Variants in DCAF17 observed in about 807,000 individuals in gnomAD.
DCAF17 encodes DDB1- and CUL4-associated factor 17.
DCAF17 carries 48 observed loss-of-function variants against 66.0 expected under a neutral mutation model. The observed-to-expected ratio is 0.73, with a 90% CI of 0.58 to 0.92. DCAF17 has a LOEUF of 0.92. DCAF17 is among the 40% of genes least tolerant of loss of function. The pLI is 0.00. For missense variants in DCAF17, 562 were observed against 622.8 expected, an observed-to-expected ratio of 0.90 and a Z score of 1.04; for synonymous variants, 206 against 214.6, an observed-to-expected ratio of 0.96 and a Z score of 0.35.
intron 8 of DCAF17, among the ~76,000 whole-genome samples, chr2:171,461,381 C>T (rs946942605): frequency 3.3e-5 from 5 of 151,900 alleles, no homozygotes; most frequent in Admixed American, 6.6e-5. Context: ...GAGCCGAGAT[C>T]GTGCCACTGC....
At position 171,480,101 on chromosome 2, in the gene DCAF17, A is replaced by G; in HGVS notation, c.1330A>G (p.Ile444Val). 5 of 1,613,890 alleles carry G rather than the reference A, an allele frequency of 3.1e-6. No homozygotes were observed. Among genetic ancestry groups the G allele is most frequent in the Non-Finnish European group, 4.2e-6 (5 of 1,179,810 alleles). ...DLLSVVAVTQIDAEGKAHLDF... is the reference protein window; with the variant it reads ...DLLSVVAVTQVDAEGKAHLDF... ...GCTTTCTGTGGTAGCTGTTACTCAA[A>G]TAGATGCTGAAGGAAAAGCTCACCT... is the stretch of plus-strand genomic sequence containing the variant. Residue 444 changes from isoleucine to valine, a missense_variant, in exon 13 of 14, where the codon ATA becomes GTA. Around this residue, in one of 3 missense-constraint regions of DCAF17, gnomAD observed 201 missense variants for 231.1 expected, o/e 0.87. Transcript: ENST00000375255.
intron 10 of DCAF17, 163 bp downstream of exon 10, chr2:171,474,138 T>A: frequency 3.0e-6 from 2 of 662,996 alleles, no homozygotes; most frequent in Non-Finnish European, 5.5e-6. Flanking sequence ...GAATTTATTC[T>A]TTGAGACTCA....
intron 2 of DCAF17, among the ~76,000 whole-genome samples, chr2:171,436,512 T>G (rs1403502103): frequency 1.3e-5 from 2 of 152,330 alleles, no homozygotes; most frequent in Non-Finnish European, 2.9e-5. Flanking sequence ...AGCATCTCAC[T>G]GTGGTTTTGA....
chr2:171,445,260 G>T (rs191831717), intron 3 of DCAF17, among the ~76,000 whole-genome samples: 1 of 152,092 alleles, frequency 6.6e-6, no homozygotes, highest in South Asian at 2.1e-4. Flanking sequence ...AAGTAGCTGG[G>T]ACTACAGGCA....
chr2:171,477,893 G>T, intron 11 of DCAF17, 94 bp from the exon 12 acceptor site: 1 of 969,952 alleles, frequency 1.0e-6, no homozygotes, highest in South Asian at 1.4e-5. Flanking sequence ...TGGGAGAAGG[G>T]TTGGTAAGTT....
chr2:171,434,300 G>C lies in DCAF17; in HGVS notation c.-278G>C. The C allele has an allele frequency of 1.6e-6, 1 of 608,398 alleles. No individual in the cohort carries two copies. The allele number at this position is 608,398 out of a possible 1,614,324, so 37.7% of individuals were successfully genotyped here. ...GAGAGCGGCTCCGGCCGGCCGCGCG[G>C]TACCGGAGCGTCGCACTGTCAGCGG... is the stretch of plus-strand genomic sequence containing the variant. On this transcript the variant is annotated 5_prime_UTR_variant, in exon 1 of 14. Transcript: ENST00000375255.
intron 12 of DCAF17, 84 bp from the exon 13 acceptor site, chr2:171,479,954 A>G (rs1696666169): frequency 1.4e-6 from 2 of 1,472,336 alleles, no homozygotes; most frequent in African/African-American, 2.8e-5. Flanking sequence ...GTAATAGAAT[A>G]CTTAAACTAT....
chr2:171,455,597 C>G (rs143704920), intron 6 of DCAF17, among the ~76,000 whole-genome samples: 2 of 152,220 alleles, frequency 1.3e-5, no homozygotes, highest in Non-Finnish European at 2.9e-5. Flanking sequence ...ACACTGTCTT[C>G]CATAATGGTC....
chr2:171,449,916 G>A lies in DCAF17; in HGVS notation c.496G>A (p.Val166Ile). The change falls in exon 5 of 14, where the codon GTT (valine) becomes ATT (isoleucine). Residue 166 changes from valine to isoleucine, a missense_variant. This residue lies in a region of DCAF17 where 348 missense variants were observed against 355.9 expected (regional missense o/e 0.98). Transcript: ENST00000375255. ...SWDTPQEVIA[V>I]KSAQNRGSAV... Reference sequence around the variant, plus strand: ...GGACACTCCTCAAGAAGTCATTGCAGTTAAGTCAGCTCAGAACAGAGGCTC... The same window carrying A: ...GGACACTCCTCAAGAAGTCATTGCAATTAAGTCAGCTCAGAACAGAGGCTC... The A allele has an allele frequency of 6.2e-7, 1 of 1,613,846 alleles. No individual in the cohort carries two copies. The highest frequency in any genetic ancestry group is 2.2e-5 in the East Asian group (1 of 44,870).
At chr2:171,440,272 A>G (rs55999882) in intron 2 of DCAF17, among the ~76,000 whole-genome samples, 37,591 of 152,090 alleles carry the variant, frequency 0.25, 4,717 homozygotes, top group South Asian at 0.32. Context: ...TGAGGGCTAT[A>G]TATGATATGA....
In DCAF17 at chr2:171,435,854, A is replaced by AT. The variant is rs578168490; in HGVS notation, c.230+671dup. 1.8e-3 allele frequency among the ~76,000 whole-genome samples: 274 copies of AT among 152,308 alleles called. 1 individual carries two copies. Among genetic ancestry groups the AT allele is most frequent in the Non-Finnish European group, 2.7e-3 (187 of 68,030 alleles). Reference sequence around the variant, plus strand: ...TTAGGATATAATTCACATACCATATATTTACCCATTTAAAGTGTACAGTTC... The same window carrying AT: ...TTAGGATATAATTCACATACCATATATTTTACCCATTTAAAGTGTACAGTTC... On this transcript the variant is annotated intron_variant, in intron 2 of 13. Transcript: ENST00000375255.
At chr2:171,465,455 G>A (rs181735689) in intron 8 of DCAF17, among the ~76,000 whole-genome samples, 1 of 152,032 alleles carries the variant, frequency 6.6e-6, no homozygotes, top group East Asian at 1.9e-4. Flanking sequence ...TAGTTGAAAG[G>A]TTGAAACCGA....
chr2:171,465,843 A>T (rs1446733585), intron 8 of DCAF17, among the ~76,000 whole-genome samples: 2 of 151,556 alleles, frequency 1.3e-5, no homozygotes, highest in Non-Finnish European at 2.9e-5. Flanking sequence ...TAATCCTGTT[A>T]CTCTCATCAG....
At position 171,458,420 on chromosome 2, in the gene DCAF17, A is replaced by G. The variant is rs981983769; in HGVS notation, c.781A>G (p.Thr261Ala). The G allele has an allele frequency of 4.3e-6, 7 of 1,614,054 alleles. No individual in the cohort carries two copies. Among genetic ancestry groups the G allele is most frequent in the Non-Finnish European group, 5.9e-6 (7 of 1,179,986 alleles). The change falls in exon 8 of 14, where the codon ACT (threonine) becomes GCT (alanine). Residue 261 changes from threonine to alanine, a missense_variant. Physicochemically the swap from Thr to Ala is moderately conservative, Grantham distance 58. This residue lies in a region of DCAF17 where 348 missense variants were observed against 355.9 expected (regional missense o/e 0.98). Coordinates refer to ENST00000375255, the MANE Select transcript of DCAF17 (RefSeq NM_025000.4). Reference protein sequence around the residue: ...DLGCACRWGGTTGTVGEAPFG... With the variant: ...DLGCACRWGGATGTVGEAPFG... The stretch of plus-strand genomic sequence containing the variant: ...AGGGTGTGCATGCAGATGGGGTGGG[A>G]CTACTGGAACTGTAGGAGAGGCTCC...
chr2:171,447,710 T>C (rs1694716654), intron 3 of DCAF17, among the ~76,000 whole-genome samples: 1 of 152,238 alleles, frequency 6.6e-6, no homozygotes, highest in Non-Finnish European at 1.5e-5. Context: ...CTGTGTTGCC[T>C]AGGCTGATAT....
At chr2:171,477,520 A>G (rs546693558) in intron 11 of DCAF17, among the ~76,000 whole-genome samples, 77 of 152,248 alleles carry the variant, frequency 5.1e-4, no homozygotes, top group Admixed American at 9.2e-4. Flanking sequence ...TGAGCCGGGC[A>G]TGGTGGCTCA....
Position 171,481,205 on chromosome 2 carries a change from T to C in DCAF17, c.*91T>C. On this transcript the variant is annotated 3_prime_UTR_variant, in exon 14 of 14. Coordinates refer to ENST00000375255, the MANE Select transcript of DCAF17 (RefSeq NM_025000.4). ...ATTTTATTATCTGCATGGCACATTCTCCAGTATTTTCCAAAAAAGTCTTGT... is the reference window on the plus strand; with the variant it reads ...ATTTTATTATCTGCATGGCACATTCCCCAGTATTTTCCAAAAAAGTCTTGT... The C allele has an allele frequency of 6.5e-7, 1 of 1,528,154 alleles. No homozygotes were observed. Among genetic ancestry groups the C allele is most frequent in the Non-Finnish European group, 9.0e-7 (1 of 1,105,776 alleles). 94.7% of individuals were successfully genotyped at this position (1,528,154 alleles called of 1,614,324 possible).
At chr2:171,455,885 G>A (rs1365932321) in intron 6 of DCAF17, among the ~76,000 whole-genome samples, 1 of 151,202 alleles carries the variant, frequency 6.6e-6, no homozygotes, top group Non-Finnish European at 1.5e-5. Flanking sequence ...TAAATTTGTT[G>A]AAGTTCCTTT....
chr2:171,478,709 G>T (rs56100423), intron 12 of DCAF17, among the ~76,000 whole-genome samples: 2 of 152,208 alleles, frequency 1.3e-5, no homozygotes, highest in Non-Finnish European at 2.9e-5. Flanking sequence ...CCATTTTTAG[G>T]TAGAAACATT....
Sources: allele counts gnomAD v4.1 joint callset (sites outside exome capture counted in the v4.1 genomes callset), GRCh38; gene constraint gnomAD v4.1.1; regional missense constraint gnomAD v4.1.1; transcripts MANE v1.5; gene names NCBI Gene and HGNC (gene_info 2026-07-23, HGNC 2026-07-21).